Variants in TRA2A observed in about 807,000 individuals in gnomAD.
TRA2A encodes transformer-2 protein homolog alpha.
TRA2A carries 31 observed loss-of-function variants against 45.7 expected under a neutral mutation model. That is an observed-to-expected ratio of 0.68 (90% CI 0.51 to 0.92). The LOEUF is 0.92. Among genes scored for constraint, TRA2A ranks in the 40% least tolerant of loss-of-function variants. The pLI is 0.00. For synonymous variants in TRA2A, 132 were observed against 126.2 expected (o/e 1.05, Z -0.31); for missense variants, 304 against 367.5 (o/e 0.83, Z 1.41).
intron 2 of TRA2A, among the ~76,000 whole-genome samples, chr7:23,521,097 A>C (rs1790116317): frequency 6.6e-6 from 1 of 152,200 alleles, no homozygotes; most frequent in Admixed American, 6.5e-5. Context: ...GTGGGACTCC[A>C]AATCAGCTAA....
rs754821154 is a variant in TRA2A at position 23,517,586 on chromosome 7, T to A, written c.171-1058A>T. On this transcript the variant is annotated intron_variant, in intron 2 of 7. Transcript: ENST00000297071. ...ATAGCAAGACTCCACACTTCTATTT[T>A]AAAAAAAAAAACAGAAACAAAGACA... Among the ~76,000 whole-genome samples the A allele has an allele frequency of 9.6e-3, 1,330 of 139,062 alleles. 12 individuals are homozygous for A. Among genetic ancestry groups the A allele is most frequent in the Middle Eastern group, 0.022 (6 of 272 alleles). 91.2% of individuals were successfully genotyped at this position (139,062 alleles called of 152,430 possible).
chr7:23,520,012 G>A (rs1268261767), intron 2 of TRA2A, among the ~76,000 whole-genome samples: 1 of 152,186 alleles, frequency 6.6e-6, no homozygotes, highest in Admixed American at 6.5e-5. Context: ...CGGATCACCT[G>A]AGGCAGGAGT....
At chr7:23,521,564 T>A in intron 2 of TRA2A, 143 bp downstream of exon 2, 1 of 922,338 alleles carries the variant, frequency 1.1e-6, no homozygotes, top group Admixed American at 2.3e-5. Flanking sequence ...GTCTGGGATA[T>A]AGTATTCATT....
intron 1 of TRA2A, among the ~76,000 whole-genome samples, chr7:23,530,310 G>T (rs1447530124): frequency 6.6e-6 from 1 of 152,028 alleles, no homozygotes; most frequent in Non-Finnish European, 1.5e-5. Context: ...CCAATCAAAA[G>T]AATTAAAGGC....
chr7:23,506,297 T>C (rs781154154), intron 5 of TRA2A, 31 bp from the exon 6 acceptor site: 33 of 1,564,038 alleles, frequency 2.1e-5, no homozygotes, highest in Non-Finnish European at 2.8e-5. Context: ...TCTCCATTAG[T>C]GTGAATGACT....
chr7:23,523,208 TCA>T (rs1680323492), intron 1 of TRA2A, among the ~76,000 whole-genome samples: 1 of 152,218 alleles, frequency 6.6e-6, no homozygotes, highest in South Asian at 2.1e-4. Flanking sequence ...AGAATTATGT[TCA>T]GTTTTTACAT....
rs747849267 is a variant in TRA2A, at chr7:23,507,408, T to C, written c.641+12A>G. ...GATTTCATAGTTTAGCTTAGGAAAC[T>C]TGAACTCTTACTGAGTTGGTCTGCC... On this transcript the variant is annotated intron_variant, in intron 5 of 7. Coordinates refer to ENST00000297071, the MANE Select transcript of TRA2A (RefSeq NM_013293.5). 2.5e-6 allele frequency: 4 copies of C among 1,601,714 alleles called. No individual in the cohort carries two copies. The highest frequency in any genetic ancestry group is 2.2e-5 in the South Asian group (2 of 90,540).
intron 2 of TRA2A, among the ~76,000 whole-genome samples, chr7:23,518,675 GTT>G (rs199848477): frequency 0.15 from 21,359 of 139,668 alleles, 1,707 homozygotes; most frequent in East Asian, 0.32. Flanking sequence ...TTCATTTCTT[GTT>G]TTTTTTTTTT....
At chr7:23,525,934 G>A (rs926437007) in intron 1 of TRA2A, among the ~76,000 whole-genome samples, 13 of 152,122 alleles carry the variant, frequency 8.5e-5, no homozygotes, top group African/African-American at 2.7e-4. Flanking sequence ...AGATGACCCT[G>A]CTGTTGGTTG....
Position 23,505,226 on chromosome 7 carries a change from G to A in TRA2A, c.*333C>T. 3.9e-6 allele frequency: 1 copy of A among 258,810 alleles called. No homozygotes were observed. Among genetic ancestry groups the A allele is most frequent in the Non-Finnish European group, 7.2e-6 (1 of 139,728 alleles). 16.0% of individuals were successfully genotyped at this position (258,810 alleles called of 1,614,324 possible). A position where few individuals can be genotyped will look rare whatever the true frequency, so the allele number is the denominator to read the frequency against. On this transcript the variant is annotated 3_prime_UTR_variant, in exon 8 of 8. Coordinates refer to ENST00000297071, the MANE Select transcript of TRA2A (RefSeq NM_013293.5). The stretch of plus-strand genomic sequence containing the variant: ...TAATACAGTATCTAACACAAAAGAA[G>A]CTTTAAAAAGACAGTTTCTTTCCTT...
Position 23,505,455 on chromosome 7 carries a change from T to A in TRA2A, c.*104A>T. The A allele has an allele frequency of 1.9e-6, 1 of 532,740 alleles. No individual in the cohort carries two copies. The allele number at this position is 532,740 out of a possible 1,614,324, so 33.0% of individuals were successfully genotyped here. On this transcript the variant is annotated 3_prime_UTR_variant, in exon 8 of 8. Transcript: ENST00000297071. Reference sequence around the variant, plus strand: ...GATGCTAAATAAACCAAAGTTTTTTTCTTAAGGAGTAGGAAGAATCCACAG... The same window carrying A: ...GATGCTAAATAAACCAAAGTTTTTTACTTAAGGAGTAGGAAGAATCCACAG...
intron 2 of TRA2A, among the ~76,000 whole-genome samples, chr7:23,518,523 G>C (rs1384845505): frequency 6.6e-6 from 1 of 151,692 alleles, no homozygotes; most frequent in Non-Finnish European, 1.5e-5. Flanking sequence ...TGTGTTTTTA[G>C]TAGAGACGGG....
At chr7:23,518,930 A>AC (rs1355985321) in intron 2 of TRA2A, among the ~76,000 whole-genome samples, 3 of 150,580 alleles carry the variant, frequency 2.0e-5, no homozygotes, top group Non-Finnish European at 4.4e-5. Flanking sequence ...CAAGTGATCC[A>AC]CCCCTCCTTG....
rs997655542 is a variant in TRA2A, at chr7:23,515,508, C to T, written c.336+855G>A. 1.3e-4 allele frequency among the ~76,000 whole-genome samples: 19 copies of T among 151,372 alleles called. No homozygotes were observed. The East Asian group carries it at 1.4e-3, about 11-fold the overall frequency. Reference sequence around the variant, plus strand: ...CTGGGATTACAAGTGTGAGCCACCACGCCCGGCCGGAACATATTTCTTCCC... The same window carrying T: ...CTGGGATTACAAGTGTGAGCCACCATGCCCGGCCGGAACATATTTCTTCCC... On this transcript the variant is annotated intron_variant, in intron 3 of 7. Coordinates refer to ENST00000297071, the MANE Select transcript of TRA2A (RefSeq NM_013293.5).
intron 6 of TRA2A, 134 bp from the exon 7 acceptor site, chr7:23,505,947 C>G: frequency 1.5e-6 from 1 of 684,794 alleles, no homozygotes; most frequent in South Asian, 2.8e-5. Context: ...TCTCTTTCTG[C>G]CAATGAGACC....
At chr7:23,514,572 T>C (rs1562791604) in intron 3 of TRA2A, among the ~76,000 whole-genome samples, 1 of 152,158 alleles carries the variant, frequency 6.6e-6, no homozygotes, top group Admixed American at 6.6e-5. Flanking sequence ...TAATTGTTGA[T>C]TTAGACCTCC....
rs1478418546 is a variant in TRA2A at position 23,531,739 on chromosome 7, C to T, written c.36+50G>A. 4.4e-6 allele frequency: 7 copies of T among 1,608,336 alleles called. No homozygotes were observed. In the South Asian group the frequency reaches 6.6e-5, roughly 15 times the overall value. ...CCCGACCGCGCTTGTTCCCGTGAAA[C>T]CCCGAGCATTGGGCCGCCGCCTAGA... On this transcript the variant is annotated intron_variant, in intron 1 of 7. Transcript: ENST00000297071.
At position 23,505,500 on chromosome 7, in the gene TRA2A, T is replaced by TAAAAAAAAA. The variant is rs777556731; in HGVS notation, c.*50_*58dup. The TAAAAAAAAA allele has an allele frequency of 2.6e-4, 90 of 351,662 alleles. No homozygotes were observed. The highest frequency in any genetic ancestry group is 5.3e-4 in the African/African-American group (10 of 18,738). The allele number at this position is 351,662 out of a possible 1,614,324, so 21.8% of individuals were successfully genotyped here. Reference sequence around the variant, plus strand: ...CCACAGCTTGGGGAAATCTCAGAATTAAAAAAAAAAAAAAAAAAAAGAGGA... The same window carrying TAAAAAAAAA: ...CCACAGCTTGGGGAAATCTCAGAATTAAAAAAAAAAAAAAAAAAAAAAAAAAAAAGAGGA... On this transcript the variant is annotated 3_prime_UTR_variant, in exon 8 of 8. Coordinates refer to ENST00000297071, the MANE Select transcript of TRA2A (RefSeq NM_013293.5).
chr7:23,506,984 C>T (rs1232402611), intron 5 of TRA2A, among the ~76,000 whole-genome samples: 3 of 152,084 alleles, frequency 2.0e-5, no homozygotes, highest in Non-Finnish European at 4.4e-5. Flanking sequence ...ACCGTGGTCC[C>T]GATCTCGTGA....
Sources: gnomAD v4.1 joint callset for allele counts (sites outside exome capture counted in the v4.1 genomes callset) on GRCh38, gnomAD v4.1.1 for gene constraint, MANE v1.5 for transcripts, NCBI Gene and HGNC (gene_info 2026-07-23, HGNC 2026-07-21) for gene names.